Variants in FSTL4 observed in about 807,000 individuals in gnomAD.
FSTL4 encodes follistatin like 4.
A neutral mutation model predicts 78.2 loss-of-function variants in FSTL4; 28 were observed. That is an observed-to-expected ratio of 0.36 (90% CI 0.27 to 0.49). The LOEUF (loss-of-function observed/expected upper bound fraction) is 0.49. FSTL4 is among the 20% of genes least tolerant of loss of function. The pLI, the probability that FSTL4 is intolerant of heterozygous loss-of-function variation, is 0.98. For missense variants in FSTL4, 922 were observed against 1,084.9 expected (o/e 0.85, Z 2.11); for synonymous variants, 422 against 440.5 (o/e 0.96, Z 0.53).
At chr5:133,253,354 G>A (rs1752306027) in intron 6 of FSTL4, among the ~76,000 whole-genome samples, 1 of 152,222 alleles carries the variant, frequency 6.6e-6, no homozygotes, top group Admixed American at 6.5e-5. Context: ...CTGCTGACAA[G>A]CTCAGTGGCC....
the FSTL4 span, among the ~76,000 whole-genome samples, chr5:133,744,716 C>T: frequency 6.6e-6 from 1 of 152,172 alleles, no homozygotes; most frequent in African/African-American, 2.4e-5. Flanking sequence ...AGGTTGAATG[C>T]AAGCAGGCAT....
intron 4 of FSTL4, among the ~76,000 whole-genome samples, chr5:133,360,472 A>AT (rs1200696238): frequency 9.0e-6 from 1 of 111,174 alleles, no homozygotes; most frequent in Non-Finnish European, 1.8e-5. Context: ...TTCAGGCAAT[A>AT]ATTTTTTTTT....
chr5:133,214,892 T>C (rs1310433695), intron 13 of FSTL4, among the ~76,000 whole-genome samples: 4 of 152,354 alleles, frequency 2.6e-5, no homozygotes, highest in Middle Eastern at 3.4e-3. Context: ...AGTTCTTTTG[T>C]CATTCCCTTC....
At chr5:133,535,861 A>G (rs1759341658) in intron 3 of FSTL4, among the ~76,000 whole-genome samples, 1 of 152,218 alleles carries the variant, frequency 6.6e-6, no homozygotes, top group South Asian at 2.1e-4. Context: ...GAAGGAAGTG[A>G]AGAGGAAGTA....
intron 15 of FSTL4, among the ~76,000 whole-genome samples, chr5:133,200,017 A>G (rs1209807359): frequency 2.0e-5 from 3 of 152,212 alleles, no homozygotes; most frequent in Admixed American, 6.5e-5. Flanking sequence ...TCCTGGATTT[A>G]TGCTCTTGTA....
the FSTL4 span, among the ~76,000 whole-genome samples, chr5:133,680,776 T>C: frequency 6.6e-6 from 1 of 152,246 alleles, no homozygotes; most frequent in Non-Finnish European, 1.5e-5. Flanking sequence ...GAATGAATAC[T>C]GACTGACCTC....
chr5:133,304,961 A>G (rs1753623759), intron 6 of FSTL4, among the ~76,000 whole-genome samples: 2 of 152,202 alleles, frequency 1.3e-5, no homozygotes, highest in South Asian at 4.1e-4. Flanking sequence ...CTTTTCCTGC[A>G]CAGCAGGGGC....
chr5:133,501,094 G>A (rs1257469808), intron 3 of FSTL4, among the ~76,000 whole-genome samples: 1 of 152,100 alleles, frequency 6.6e-6, no homozygotes, highest in Non-Finnish European at 1.5e-5. Flanking sequence ...TGTGCTTCTG[G>A]GGAAGATGAA....
chr5:133,604,484 G>A (rs983651114), intron 1 of FSTL4, among the ~76,000 whole-genome samples: 1 of 152,144 alleles, frequency 6.6e-6, no homozygotes, highest in African/African-American at 2.4e-5. Context: ...GGAGGTAGAT[G>A]GATCACTTGA....
At chr5:133,605,049 G>A (rs1014053657) in intron 1 of FSTL4, among the ~76,000 whole-genome samples, 17 of 152,182 alleles carry the variant, frequency 1.1e-4, no homozygotes, top group Non-Finnish European at 1.9e-4. Context: ...TAAGCATTGT[G>A]CTGAGGAAAT....
chr5:133,505,265 G>GA (rs545785942), intron 3 of FSTL4, among the ~76,000 whole-genome samples: 19 of 151,910 alleles, frequency 1.3e-4, no homozygotes, highest in Non-Finnish European at 2.6e-4. Flanking sequence ...TTTATAACCA[G>GA]AAAAAAACTA....
At chr5:133,240,040 T>C (rs1039230693) in intron 7 of FSTL4, among the ~76,000 whole-genome samples, 2 of 152,264 alleles carry the variant, frequency 1.3e-5, no homozygotes, top group African/African-American at 4.8e-5. Context: ...TCTTTTGCTC[T>C]TTGCAATAAA....
chr5:133,798,982 G>A, the FSTL4 span, among the ~76,000 whole-genome samples: 1 of 129,038 alleles, frequency 7.7e-6, no homozygotes, highest in Non-Finnish European at 1.7e-5. Flanking sequence ...GGGAGGGAGG[G>A]AGGGAGGAAG....
the FSTL4 span, among the ~76,000 whole-genome samples, chr5:133,769,194 A>G: frequency 0.069 from 10,458 of 152,234 alleles, 475 homozygotes; most frequent in African/African-American, 0.12. Flanking sequence ...CCAGAGATCA[A>G]TCCTGTCTTT....
chr5:133,734,924 T>C, the FSTL4 span, among the ~76,000 whole-genome samples: 2 of 152,162 alleles, frequency 1.3e-5, no homozygotes, highest in Non-Finnish European at 1.5e-5. Flanking sequence ...ACCCTCACCA[T>C]CATGGGTCAA....
chr5:133,484,165 C>A (rs1421708429), intron 3 of FSTL4, among the ~76,000 whole-genome samples: 3 of 152,232 alleles, frequency 2.0e-5, no homozygotes, highest in African/African-American at 7.2e-5. Flanking sequence ...GTCCTCCTCT[C>A]CCAGGCATGG....
rs1378447154 is a variant in FSTL4 at position 133,589,288 on chromosome 5, A to AT, written c.126+14569_126+14570insA. On this transcript the variant is annotated intron_variant, in intron 2 of 15. Transcript: ENST00000265342. ...GTACCCTAAAACTTAGAGTATAATA[A>AT]AAAAAAAAAAAAAGATCAAGGCCCC... Among the ~76,000 whole-genome samples, 20 of 83,818 alleles carry AT rather than the reference A, an allele frequency of 2.4e-4. 3 individuals are homozygous for AT. Among genetic ancestry groups the AT allele is most frequent in the Non-Finnish European group, 4.3e-4 (16 of 36,844 alleles). 55.0% of individuals were successfully genotyped at this position (83,818 alleles called of 152,430 possible). A position where few individuals can be genotyped will look rare whatever the true frequency, so the allele number is the denominator to read the frequency against.
chr5:133,492,384 G>A (rs1204173965), intron 3 of FSTL4, among the ~76,000 whole-genome samples: 3 of 152,064 alleles, frequency 2.0e-5, no homozygotes, highest in Non-Finnish European at 4.4e-5. Flanking sequence ...TCCTCCTAAA[G>A]TATATATACC....
intron 4 of FSTL4, among the ~76,000 whole-genome samples, chr5:133,337,317 G>A (rs931650395): frequency 2.6e-5 from 4 of 152,148 alleles, no homozygotes; most frequent in African/African-American, 9.7e-5. Flanking sequence ...CAACTAGGAA[G>A]CGGGCTGTTA....
Sources: allele counts gnomAD v4.1 joint callset (sites outside exome capture counted in the v4.1 genomes callset), GRCh38; gene constraint gnomAD v4.1.1; transcripts MANE v1.5; gene names NCBI Gene and HGNC (gene_info 2026-07-23, HGNC 2026-07-21).